Variants in EPHB1 observed in about 807,000 individuals in gnomAD.
EPHB1 encodes EPH receptor B1, also known as ephrin type-B receptor 1.
A neutral mutation model predicts 94.4 loss-of-function variants in EPHB1; 30 were observed. That is an observed-to-expected ratio of 0.32 (90% confidence interval 0.24 to 0.43). The LOEUF (loss-of-function observed/expected upper bound fraction) is 0.43. EPHB1 is among the 20% of genes least tolerant of loss of function. EPHB1 has a pLI of 1.00. For synonymous variants in EPHB1, 522 were observed against 489.1 expected, an observed-to-expected ratio of 1.07 and a Z score of -0.89; for missense variants, 1,055 against 1,308.3, an observed-to-expected ratio of 0.81 and a Z score of 2.99.
chr3:134,964,732 G>T (rs2107723675), intron 3 of EPHB1, among the ~76,000 whole-genome samples: 1 of 152,008 alleles, frequency 6.6e-6, no homozygotes, highest in African/African-American at 2.4e-5. Flanking sequence ...CTGCATCTTT[G>T]GTCAAATTTG....
At chr3:135,258,885 A>AAACTT in intron 15 of EPHB1, 127 bp from the exon 16 acceptor site, 1 of 813,244 alleles carries the variant, frequency 1.2e-6, no homozygotes, top group Non-Finnish European at 2.0e-6. Context: ...AAATTTGGGT[A>AAACTT]AACTTAAGCT....
intron 6 of EPHB1, among the ~76,000 whole-genome samples, chr3:135,154,894 C>T (rs925477302): frequency 2.6e-5 from 4 of 152,134 alleles, no homozygotes; most frequent in Admixed American, 6.5e-5. Flanking sequence ...GGAGCTGGTC[C>T]CTGGCCTCCC....
chr3:134,939,291 G>A (rs2039069276), intron 2 of EPHB1, among the ~76,000 whole-genome samples: 1 of 151,836 alleles, frequency 6.6e-6, no homozygotes, highest in African/African-American at 2.4e-5. Flanking sequence ...CCCTTCCAAG[G>A]CACTGGGCTT....
chr3:134,930,567 T>C (rs2038887101), intron 2 of EPHB1, among the ~76,000 whole-genome samples: 1 of 152,196 alleles, frequency 6.6e-6, no homozygotes, highest in African/African-American at 2.4e-5. Flanking sequence ...AACCTTTACA[T>C]TTCTGGACCT....
chr3:134,909,870 A>G (rs1030339531), intron 1 of EPHB1, among the ~76,000 whole-genome samples: 10 of 152,208 alleles, frequency 6.6e-5, no homozygotes, highest in Non-Finnish European at 1.3e-4. Context: ...GCCCAGTGTT[A>G]GGAGACCAGG....
intron 3 of EPHB1, among the ~76,000 whole-genome samples, chr3:135,016,378 A>C (rs1935796666): frequency 6.6e-6 from 1 of 152,068 alleles, no homozygotes; most frequent in Non-Finnish European, 1.5e-5. Context: ...CCAATAATAT[A>C]CTCTTTGCAG....
At chr3:134,857,288 T>A (rs1378751555) in intron 1 of EPHB1, among the ~76,000 whole-genome samples, 1 of 152,176 alleles carries the variant, frequency 6.6e-6, no homozygotes, top group Admixed American at 6.5e-5. Context: ...TTCCTTCATC[T>A]GAGCTCCTTC....
intron 1 of EPHB1, among the ~76,000 whole-genome samples, chr3:134,827,924 C>T (rs1176343195): frequency 6.6e-6 from 1 of 152,160 alleles, no homozygotes; most frequent in Non-Finnish European, 1.5e-5. Context: ...CTGGGCTGCT[C>T]CTCAGATGGG....
chr3:135,109,762 T>A (rs970187732), intron 4 of EPHB1, among the ~76,000 whole-genome samples: 4 of 152,248 alleles, frequency 2.6e-5, no homozygotes, highest in Non-Finnish European at 5.9e-5. Flanking sequence ...CAGGCAGAGC[T>A]TCTGAGAAGC....
chr3:135,154,481 G>T, intron 6 of EPHB1: 1 of 582,770 alleles, frequency 1.7e-6, no homozygotes, highest in Non-Finnish European at 2.9e-6. Flanking sequence ...GCCAACTAAG[G>T]AGAGAAACTT....
intron 2 of EPHB1, among the ~76,000 whole-genome samples, chr3:134,929,796 G>T (rs2038869802): frequency 6.6e-6 from 1 of 152,182 alleles, no homozygotes. Flanking sequence ...GTGAGCTGCT[G>T]GAGCAGAGGA....
intron 3 of EPHB1, among the ~76,000 whole-genome samples, chr3:135,008,987 G>C (rs564907207): frequency 6.6e-6 from 1 of 152,198 alleles, no homozygotes; most frequent in Non-Finnish European, 1.5e-5. Flanking sequence ...GTGGTCACAG[G>C]GGCGTGGACT....
intron 1 of EPHB1, among the ~76,000 whole-genome samples, chr3:134,879,509 G>C (rs1278081229): frequency 6.6e-6 from 1 of 152,048 alleles, no homozygotes; most frequent in African/African-American, 2.4e-5. Flanking sequence ...ATAAATAAGT[G>C]GGTGTAGTGG....
chr3:135,055,584 C>G (rs999506346), intron 3 of EPHB1, among the ~76,000 whole-genome samples: 6 of 152,226 alleles, frequency 3.9e-5, no homozygotes, highest in East Asian at 1.9e-4. Context: ...TCACCACTCA[C>G]TAGGTTGAGG....
At chr3:135,123,933 C>T (rs1940087925) in intron 4 of EPHB1, among the ~76,000 whole-genome samples, 1 of 151,534 alleles carries the variant, frequency 6.6e-6, no homozygotes, top group Non-Finnish European at 1.5e-5. Context: ...CTAGCCTGTC[C>T]TCCACAAGGC....
At chr3:135,143,371 G>A (rs995991982) in intron 5 of EPHB1, among the ~76,000 whole-genome samples, 2 of 152,132 alleles carry the variant, frequency 1.3e-5, no homozygotes, top group Non-Finnish European at 2.9e-5. Context: ...CCTGGAGGAG[G>A]ATGGTCACAG....
chr3:134,958,213 C>G (rs1933355541), intron 3 of EPHB1, among the ~76,000 whole-genome samples: 1 of 152,126 alleles, frequency 6.6e-6, no homozygotes, highest in South Asian at 2.1e-4. Flanking sequence ...CTGAGATGAG[C>G]CACTTTATAA....
rs1460638761 is a variant in EPHB1 at position 135,260,102 on chromosome 3, TGCAGTGTGG to T, written c.*985_*993del. 3 of 233,082 alleles carry T rather than the reference TGCAGTGTGG, an allele frequency of 1.3e-5. No homozygotes were observed. Among genetic ancestry groups the T allele is most frequent in the Non-Finnish European group, 2.5e-5 (3 of 117,706 alleles). The allele number at this position is 233,082 out of a possible 1,614,324, so 14.4% of individuals were successfully genotyped here. ...AAACAGGTGAGTGGTTTGAATTGGATGCAGTGTGGGCCATCCTGGAATGATACTGACTGA... is the reference window on the plus strand; with the variant it reads ...AAACAGGTGAGTGGTTTGAATTGGATGCCATCCTGGAATGATACTGACTGA... On this transcript the variant is annotated 3_prime_UTR_variant, in exon 16 of 16. Coordinates refer to ENST00000398015, the MANE Select transcript of EPHB1 (RefSeq NM_004441.5).
chr3:135,043,725 C>G (rs1473801120), intron 3 of EPHB1, among the ~76,000 whole-genome samples: 1 of 152,246 alleles, frequency 6.6e-6, no homozygotes, highest in Non-Finnish European at 1.5e-5. Flanking sequence ...TAGCGGAAGA[C>G]TCTTGCATCC....
Sources: gnomAD v4.1 joint callset for allele counts (sites outside exome capture counted in the v4.1 genomes callset) on GRCh38, gnomAD v4.1.1 for gene constraint, MANE v1.5 for transcripts, NCBI Gene and HGNC (gene_info 2026-07-23, HGNC 2026-07-21) for gene names.